The following COL4A3 variants were observed in gnomAD, a reference collection of about 807,000 sequenced individuals.
COL4A3 encodes the protein collagen type IV alpha 3 chain.
In COL4A3, 135 loss-of-function variants were observed where a neutral mutation model predicts 217.4. The ratio of observed to expected loss-of-function variants is 0.62; its 90% confidence interval spans 0.54 to 0.72. The LOEUF is 0.72. COL4A3 is among the 30% of genes least tolerant of loss of function. The pLI, the probability that COL4A3 is intolerant of heterozygous loss-of-function variation, is 0.00. For synonymous variants in COL4A3, 690 were observed against 736.3 expected (o/e 0.94, Z 1.02); for missense variants, 1,868 against 2,119.9 (o/e 0.88, Z 2.33).
chr2:227,176,166 G>A (rs1029810554), intron 1 of COL4A3, among the ~76,000 whole-genome samples: 11 of 152,126 alleles, frequency 7.2e-5, no homozygotes, highest in African/African-American at 2.4e-5. Flanking sequence ...AGTCTGTCCC[G>A]TTTAATTGAT....
At position 227,164,688 on chromosome 2, in the gene COL4A3, G is replaced by T. The variant is rs1332125075; in HGVS notation, c.-39G>T. ...AGACGCGGTGGCCTGAGAGCCTGAG[G>T]GTCCCCGGACTCGCCCAGGCTCTGA... On this transcript the variant is annotated 5_prime_UTR_variant, in exon 1 of 52. Coordinates refer to ENST00000396578, the MANE Select transcript of COL4A3 (RefSeq NM_000091.5). The surrounding 1 kb of genome is among the most constrained non-coding windows in gnomAD (Gnocchi z 4.8). 1.3e-6 allele frequency: 2 copies of T among 1,529,776 alleles called. No homozygotes were observed. The highest frequency in any genetic ancestry group is 1.7e-6 in the Non-Finnish European group (2 of 1,144,904). 94.8% of individuals were successfully genotyped at this position (1,529,776 alleles called of 1,614,324 possible).
Position 227,249,230 on chromosome 2 carries a change from A to ATATATATATATTT in COL4A3, c.546+711_546+712insATATATATATTTT. Among the ~76,000 whole-genome samples the ATATATATATATTT allele has an allele frequency of 1.3e-3, 19 of 14,694 alleles. 1 individual carries two copies. The highest frequency in any genetic ancestry group is 1.9e-3 in the Non-Finnish European group (15 of 8,026). The allele number at this position is 14,694 out of a possible 152,430, so 9.6% of individuals were successfully genotyped here. ...TTAGCTAGTATATATATATATATAT[A>ATATATATATATTT]TTTTTTTTTTTTTTTTTTTTTTTGA... On this transcript the variant is annotated intron_variant, in intron 9 of 51. Coordinates refer to ENST00000396578, the MANE Select transcript of COL4A3 (RefSeq NM_000091.5).
At chr2:227,272,056 A>C (rs2071273720) in intron 25 of COL4A3, among the ~76,000 whole-genome samples, 1 of 152,250 alleles carries the variant, frequency 6.6e-6, no homozygotes, top group Non-Finnish European at 1.5e-5. Context: ...AATGCTTCTG[A>C]CTACAAAACC....
At position 227,164,936 on chromosome 2, in the gene COL4A3, C is replaced by A; in HGVS notation, c.87+123C>A. On this transcript the variant is annotated intron_variant, in intron 1 of 51. Coordinates refer to ENST00000396578, the MANE Select transcript of COL4A3 (RefSeq NM_000091.5). The surrounding 1 kb of genome is among the most constrained non-coding windows in gnomAD (Gnocchi z 4.8). ...AGCGGCTGCCGGGCTAGTGGCGAGG[C>A]TGAGGGCTTCACGCAGGTCCCGGGA... The A allele has an allele frequency of 4.2e-6, 5 of 1,201,042 alleles. No individual in the cohort carries two copies. The highest frequency in any genetic ancestry group is 3.5e-5 in the Admixed American group (1 of 28,882). 74.4% of individuals were successfully genotyped at this position (1,201,042 alleles called of 1,614,324 possible). A position where few individuals can be genotyped will look rare whatever the true frequency, so the allele number is the denominator to read the frequency against.
chr2:227,290,189 G>A, intron 36 of COL4A3, 101 bp downstream of exon 36: 1 of 1,163,478 alleles, frequency 8.6e-7, no homozygotes. Flanking sequence ...TTGGTAGAAA[G>A]CTTATATTAA....
At chr2:227,223,687 T>G (rs1331782088) in intron 1 of COL4A3, among the ~76,000 whole-genome samples, 1 of 152,136 alleles carries the variant, frequency 6.6e-6, no homozygotes, top group Non-Finnish European at 1.5e-5. Context: ...TGAGCCGAGA[T>G]CATGCCACTG....
intron 1 of COL4A3, among the ~76,000 whole-genome samples, chr2:227,171,461 G>A (rs1459342493): frequency 6.6e-6 from 1 of 152,176 alleles, no homozygotes; most frequent in African/African-American, 2.4e-5. Flanking sequence ...CTCTAAACAG[G>A]AAAGTTGAGG....
Position 227,293,172 on chromosome 2 carries a change from G to T in COL4A3, c.3211-19G>T. On this transcript the variant is annotated intron_variant, in intron 37 of 51. Coordinates refer to ENST00000396578, the MANE Select transcript of COL4A3 (RefSeq NM_000091.5). ...TCCTGCTTATATGAGAATTTTAAAG[G>T]TATTTGACTACATTTAAGGGGGATC... 6.2e-7 allele frequency: 1 copy of T among 1,613,642 alleles called. No individual in the cohort carries two copies. The highest frequency in any genetic ancestry group is 1.1e-5 in the South Asian group (1 of 91,054).
intron 1 of COL4A3, among the ~76,000 whole-genome samples, chr2:227,211,015 G>C (rs1217433255): frequency 2.6e-5 from 4 of 151,200 alleles, no homozygotes; most frequent in Admixed American, 2.6e-4. Context: ...TTTCATTTTT[G>C]TTTGAGACAG....
At chr2:227,301,040 C>T (rs753870713) in intron 43 of COL4A3, among the ~76,000 whole-genome samples, 8 of 152,028 alleles carry the variant, frequency 5.3e-5, no homozygotes, top group African/African-American at 1.2e-4. Context: ...AGTCAGGTAA[C>T]GGAGGTCTGG....
chr2:227,267,207 AGTTTC>A, intron 23 of COL4A3, 119 bp downstream of exon 23: 2 of 748,328 alleles, frequency 2.7e-6, no homozygotes, highest in South Asian at 3.0e-5. Context: ...TTGGAGGGAG[AGTTTC>A]AAAAACATAT....
At position 227,308,922 on chromosome 2, in the gene COL4A3, C is replaced by T. The variant is rs769863513; in HGVS notation, c.4486C>T (p.Arg1496Ter). 34 of 1,613,924 alleles carry T rather than the reference C, an allele frequency of 2.1e-5. No homozygotes were observed. The highest frequency in any genetic ancestry group is 2.7e-5 in the Non-Finnish European group (32 of 1,180,034). Residue 1496 changes from arginine (R) to a stop codon, truncating the protein, a stop_gained, in exon 49 of 52, where the codon CGA becomes TGA. Coordinates refer to ENST00000396578, the MANE Select transcript of COL4A3 (RefSeq NM_000091.5). LOFTEE classifies it high-confidence loss of function. Reference sequence around the variant, plus strand: ...AGGAACTCTTGGCAGCTGCCTGCAGCGATTTACCACAATGCCATTCTTATT... The same window carrying T: ...AGGAACTCTTGGCAGCTGCCTGCAGTGATTTACCACAATGCCATTCTTATT... ...DLGTLGSCLQ[R>*]FTTMPFLFCN... is the part of the protein sequence containing the mutation.
chr2:227,295,406 T>C, intron 41 of COL4A3, 90 bp downstream of exon 41: 1 of 1,138,474 alleles, frequency 8.8e-7, no homozygotes, highest in African/African-American at 1.5e-5. Context: ...AAGCTTAACC[T>C]AGTGAATTAA....
intron 1 of COL4A3, among the ~76,000 whole-genome samples, chr2:227,169,637 G>A (rs923648706): frequency 1.3e-5 from 2 of 152,142 alleles, no homozygotes; most frequent in African/African-American, 2.4e-5. Flanking sequence ...TTCTATGATA[G>A]CCAGTGATGG....
At chr2:227,287,800 G>A (rs77868818) in intron 34 of COL4A3, among the ~76,000 whole-genome samples, 17,473 of 152,144 alleles carry the variant, frequency 0.11, 1,104 homozygotes, top group Non-Finnish European at 0.15. Flanking sequence ...CTAGTATAGA[G>A]TTTATCTTCC....
chr2:227,199,372 G>T (rs1339930185), intron 1 of COL4A3, among the ~76,000 whole-genome samples: 3 of 151,974 alleles, frequency 2.0e-5, no homozygotes, highest in Non-Finnish European at 4.4e-5. Context: ...GAAAATTCTT[G>T]CCCCTGGCAT....
At chr2:227,247,458 T>C in intron 7 of COL4A3, 100 bp from the exon 8 acceptor site, 1 of 1,072,910 alleles carries the variant, frequency 9.3e-7, no homozygotes, top group Non-Finnish European at 1.5e-6. Context: ...AGGTGTACAG[T>C]GGGGAGAGGA....
chr2:227,177,105 C>G (rs1465589885), intron 1 of COL4A3, among the ~76,000 whole-genome samples: 1 of 151,524 alleles, frequency 6.6e-6, no homozygotes, highest in African/African-American at 2.4e-5. Context: ...TTCCTCCTAA[C>G]AACAGACTGG....
chr2:227,229,260 C>T (rs911084141), intron 1 of COL4A3, among the ~76,000 whole-genome samples: 1 of 152,186 alleles, frequency 6.6e-6, no homozygotes, highest in Non-Finnish European at 1.5e-5. Flanking sequence ...TTTGATCTGG[C>T]ACCTTTCTTG....
Sources: gnomAD v4.1 joint callset for allele counts (sites outside exome capture counted in the v4.1 genomes callset) on GRCh38, gnomAD v4.1.1 for gene constraint, Gnocchi (gnomAD v3.1) non-coding constraint, MANE v1.5 for transcripts, NCBI Gene and HGNC (gene_info 2026-07-23, HGNC 2026-07-21) for gene names.